Variants in ANKRD11 observed in about 807,000 individuals in gnomAD.
ANKRD11 encodes ankyrin repeat domain 11, also known as ankyrin repeat domain-containing protein 11.
ANKRD11 carries 17 observed loss-of-function variants against 195.7 expected under a neutral mutation model. That is an observed-to-expected ratio of 0.09 (90% CI 0.06 to 0.13). ANKRD11 has a LOEUF of 0.13. Among genes scored for constraint, ANKRD11 ranks in the 10% least tolerant of loss-of-function variants. The pLI is 1.00. For synonymous variants in ANKRD11, 1,953 were observed against 1,528.1 expected (o/e 1.28, Z -6.49); for missense variants, 3,735 against 3,566.1 (o/e 1.05, Z -1.21).
At chr16:89,457,779 A>T (rs2056502237) in intron 1 of ANKRD11, among the ~76,000 whole-genome samples, 1 of 151,972 alleles carries the variant, frequency 6.6e-6, no homozygotes, top group African/African-American at 2.4e-5. Flanking sequence ...AAACTGTCAA[A>T]CTCATCCTAC....
At chr16:89,435,796 T>TCTCACACA (rs139190903) in intron 1 of ANKRD11, among the ~76,000 whole-genome samples, 2 of 143,018 alleles carry the variant, frequency 1.4e-5, no homozygotes, top group Admixed American at 1.4e-4. Context: ...CACCAGCTCT[T>TCTCACACA]CACACACACA....
chr16:89,275,442 G>C (rs1227889641), intron 9 of ANKRD11, among the ~76,000 whole-genome samples: 1 of 152,244 alleles, frequency 6.6e-6, no homozygotes, highest in Non-Finnish European at 1.5e-5. Context: ...GCAGGGAGAG[G>C]CGCGGGACAG....
intron 1 of ANKRD11, among the ~76,000 whole-genome samples, chr16:89,478,388 T>A (rs543422493): frequency 3.6e-4 from 55 of 151,654 alleles, no homozygotes; most frequent in African/African-American, 1.2e-3. Context: ...TCTACACAAC[T>A]CATAGGAAAA....
At chr16:89,287,945 C>A in intron 7 of ANKRD11, 1 of 449,762 alleles carries the variant, frequency 2.2e-6, no homozygotes, top group South Asian at 5.9e-5. Flanking sequence ...CTGATGAAGA[C>A]ATCAGTGAGA....
intron 1 of ANKRD11, among the ~76,000 whole-genome samples, chr16:89,448,194 G>A (rs1380153775): frequency 6.6e-6 from 1 of 151,980 alleles, no homozygotes; most frequent in East Asian, 1.9e-4. Context: ...CAGACAGTGG[G>A]CACCTTGCAG....
chr16:89,285,315 G>A lies in ANKRD11; in HGVS notation c.1227C>T (p.Asp409=). 1 of 1,613,982 alleles carries A rather than the reference G, an allele frequency of 6.2e-7. No individual in the cohort carries two copies. Among genetic ancestry groups the A allele is most frequent in the South Asian group, 1.1e-5 (1 of 91,084 alleles). The change falls in exon 9 of 13, where the codon GAC becomes GAT. Residue 409 remains aspartate (D), a synonymous_variant. Coordinates refer to ENST00000301030, the MANE Select transcript of ANKRD11 (RefSeq NM_013275.6). This position sits in a 1 kb window ranked among gnomAD's most constrained non-coding sequence, Gnocchi z 5.6. ...PKKASHRILS[D]TSDEEDASVT... is the part of the protein sequence containing the mutation. The stretch of plus-strand genomic sequence containing the variant: ...CACTCGCGTCCTCCTCGTCCGACGT[G>A]TCTGACAGGATACGATGGGACGCTT...
chr16:89,309,941 CCTT>C (rs778282075), intron 3 of ANKRD11, among the ~76,000 whole-genome samples: 25 of 152,228 alleles, frequency 1.6e-4, no homozygotes, highest in Non-Finnish European at 2.6e-4. Context: ...GGCTTCTCCT[CCTT>C]ATGACACGAG....
At chr16:89,274,164 C>T (rs3096307) in intron 11 of ANKRD11, among the ~76,000 whole-genome samples, 1 of 152,168 alleles carries the variant, frequency 6.6e-6, no homozygotes, top group Admixed American at 6.5e-5. Flanking sequence ...AAGAGCTGCC[C>T]CAGGGAGAGC....
chr16:89,294,491 C>G (rs1018616661), intron 4 of ANKRD11, among the ~76,000 whole-genome samples: 1 of 152,154 alleles, frequency 6.6e-6, no homozygotes, highest in African/African-American at 2.4e-5. Context: ...GCCCACAACA[C>G]GCGCCAGACA....
At chr16:89,449,848 A>T (rs541435187) in intron 1 of ANKRD11, among the ~76,000 whole-genome samples, 17 of 149,468 alleles carry the variant, frequency 1.1e-4, no homozygotes, top group Admixed American at 8.1e-4. Context: ...GTGCTCACAT[A>T]CTGGCAACAG....
rs1383401974 is a variant in ANKRD11, at chr16:89,289,993, G to A, written c.601+632C>T. Among the ~76,000 whole-genome samples the A allele has an allele frequency of 2.0e-5, 3 of 152,242 alleles. No homozygotes were observed. The South Asian group carries it at 6.2e-4, about 31-fold the overall frequency. On this transcript the variant is annotated intron_variant, in intron 6 of 12. Coordinates refer to ENST00000301030, the MANE Select transcript of ANKRD11 (RefSeq NM_013275.6). ...TTCAGTGAGTCGTGATCACGCCACTGCACTCCAGCCTGAGCAACAGAGCGA... is the reference window on the plus strand; with the variant it reads ...TTCAGTGAGTCGTGATCACGCCACTACACTCCAGCCTGAGCAACAGAGCGA...
At chr16:89,441,576 G>A (rs1354891120) in intron 1 of ANKRD11, among the ~76,000 whole-genome samples, 3 of 151,880 alleles carry the variant, frequency 2.0e-5, no homozygotes, top group African/African-American at 7.3e-5. Flanking sequence ...GACCATCCTG[G>A]CTAACATGGT....
At position 89,291,309 on chromosome 16, in the gene ANKRD11, G is replaced by A. The variant is rs2035048934; in HGVS notation, c.227-126C>T. ...TGACAGCTGACAGAGCAGAAAGGAA[G>A]GTCTGTGTATGGGGAAAGCACAGCG... On this transcript the variant is annotated intron_variant, in intron 4 of 12. Transcript: ENST00000301030. This position sits in a 1 kb window ranked among gnomAD's most constrained non-coding sequence, Gnocchi z 5.3. 2 of 1,247,026 alleles carry A rather than the reference G, an allele frequency of 1.6e-6. No individual in the cohort carries two copies. Among genetic ancestry groups the A allele is most frequent in the Non-Finnish European group, 2.3e-6 (2 of 883,912 alleles). The allele number at this position is 1,247,026 out of a possible 1,614,324, so 77.2% of individuals were successfully genotyped here. A position where few individuals can be genotyped will look rare whatever the true frequency, so the allele number is the denominator to read the frequency against.
At chr16:89,417,844 A>G (rs986737190) in intron 2 of ANKRD11, among the ~76,000 whole-genome samples, 1 of 152,014 alleles carries the variant, frequency 6.6e-6, no homozygotes, top group South Asian at 2.1e-4. Flanking sequence ...ACCAGGCAAG[A>G]CCACCAGGAT....
At chr16:89,298,548 C>T (rs900990498) in intron 4 of ANKRD11, among the ~76,000 whole-genome samples, 7 of 152,256 alleles carry the variant, frequency 4.6e-5, no homozygotes, top group African/African-American at 1.7e-4. Context: ...GCCCGCCCCC[C>T]TCACTTGGCT....
chr16:89,344,368 T>A (rs1000780318), intron 2 of ANKRD11, among the ~76,000 whole-genome samples: 4 of 152,202 alleles, frequency 2.6e-5, no homozygotes, highest in Admixed American at 6.5e-5. Flanking sequence ...CTCCTTGCTA[T>A]GAATGCCTGG....
chr16:89,269,948 C>T (rs927414322), intron 12 of ANKRD11: 5 of 152,206 alleles, frequency 3.3e-5, no homozygotes, highest in African/African-American at 1.2e-4. Flanking sequence ...GGAAAGTCTT[C>T]CATGTGTCTT....
chr16:89,286,449 C>T (rs531588138), intron 7 of ANKRD11: 1 of 598,064 alleles, frequency 1.7e-6, no homozygotes, highest in East Asian at 3.4e-5. Context: ...CAGAAGGGCT[C>T]TGCCTCCTTT....
intron 2 of ANKRD11, among the ~76,000 whole-genome samples, chr16:89,318,529 C>A (rs145644370): frequency 6.6e-6 from 1 of 151,600 alleles, no homozygotes; most frequent in African/African-American, 2.4e-5. Flanking sequence ...CGCTCATGCA[C>A]GAAGTATGGC....
Sources: gnomAD v4.1 joint callset for allele counts (sites outside exome capture counted in the v4.1 genomes callset) on GRCh38, gnomAD v4.1.1 for gene constraint, Gnocchi (gnomAD v3.1) non-coding constraint, MANE v1.5 for transcripts, NCBI Gene and HGNC (gene_info 2026-07-23, HGNC 2026-07-21) for gene names.